The following SLC4A4 variants were observed in gnomAD, a reference collection of about 807,000 sequenced individuals.
SLC4A4 encodes solute carrier family 4 member 4.
In SLC4A4, 27 loss-of-function variants were observed where a neutral mutation model predicts 111.5. That is an observed-to-expected ratio of 0.24 (90% CI 0.18 to 0.33). SLC4A4 has a LOEUF of 0.33. Ranked by LOEUF, SLC4A4 falls within the 10% of genes least tolerant of loss-of-function variation. The pLI is 1.00. For synonymous variants in SLC4A4, 443 were observed against 463.4 expected (o/e 0.96, Z 0.57); for missense variants, 909 against 1,315.5 (o/e 0.69, Z 4.78).
chr4:71,178,441 A>T (rs1272067224), intron 2 of SLC4A4, among the ~76,000 whole-genome samples: 1 of 152,174 alleles, frequency 6.6e-6, no homozygotes, highest in East Asian at 1.9e-4. Context: ...AAGATCAACA[A>T]AATTGATAGA....
At chr4:71,206,900 C>T (rs568119958) in intron 1 of SLC4A4, among the ~76,000 whole-genome samples, 3 of 152,014 alleles carry the variant, frequency 2.0e-5, no homozygotes, top group South Asian at 4.2e-4. Context: ...CTACTGCAAG[C>T]GAATCATGCA....
At chr4:71,295,465 C>T (rs1225919931) in intron 3 of SLC4A4, among the ~76,000 whole-genome samples, 3 of 152,164 alleles carry the variant, frequency 2.0e-5, no homozygotes, top group African/African-American at 7.2e-5. Flanking sequence ...AAAGAGGAAG[C>T]AATCATAGAA....
Position 71,552,098 on chromosome 4 carries a change from T to C in SLC4A4, c.2695-3042T>C, listed in dbSNP as rs140632560. ...CAGGCTTCTTGACTTGCCAGTCAGGTCTTCATGATAATTATGACATTAATA... is the reference window on the plus strand; with the variant it reads ...CAGGCTTCTTGACTTGCCAGTCAGGCCTTCATGATAATTATGACATTAATA... On this transcript the variant is annotated intron_variant, in intron 20 of 25. Transcript: ENST00000264485. Among the ~76,000 whole-genome samples, 749 of 151,948 alleles carry C rather than the reference T, an allele frequency of 4.9e-3. 5 individuals carry two copies. Among genetic ancestry groups the C allele is most frequent in the African/African-American group, 0.017 (720 of 41,498 alleles).
intron 22 of SLC4A4, among the ~76,000 whole-genome samples, chr4:71,558,101 G>A (rs570545376): frequency 1.6e-4 from 25 of 151,978 alleles, no homozygotes; most frequent in Admixed American, 9.8e-4. Flanking sequence ...ACTGGCCCTC[G>A]TTCATGCTCA....
At chr4:71,376,439 G>A (rs1035474952) in intron 6 of SLC4A4, among the ~76,000 whole-genome samples, 8 of 150,984 alleles carry the variant, frequency 5.3e-5, no homozygotes, top group Admixed American at 2.6e-4. Context: ...TCCTGACCTC[G>A]TGATCCACCC....
chr4:71,328,561 CT>C (rs1203963672), intron 3 of SLC4A4, among the ~76,000 whole-genome samples: 2 of 152,036 alleles, frequency 1.3e-5, no homozygotes, highest in African/African-American at 4.8e-5. Context: ...TTGCATTTCT[CT>C]GATGATCAGT....
intron 3 of SLC4A4, among the ~76,000 whole-genome samples, chr4:71,305,607 C>T (rs1195222384): frequency 1.3e-5 from 2 of 152,190 alleles, no homozygotes; most frequent in African/African-American, 4.8e-5. Flanking sequence ...TATGCAAAAC[C>T]TTTCCCCATC....
chr4:71,183,988 T>C (rs1745378523), upstream of SLC4A4, among the ~76,000 whole-genome samples: 1 of 152,210 alleles, frequency 6.6e-6, no homozygotes, highest in Admixed American at 6.5e-5. Context: ...TTTTCACCTT[T>C]TTTCCCAATA....
chr4:71,519,489 G>A (rs1170356148), intron 16 of SLC4A4, among the ~76,000 whole-genome samples: 1 of 152,194 alleles, frequency 6.6e-6, no homozygotes, highest in Non-Finnish European at 1.5e-5. Flanking sequence ...AATACACAGA[G>A]AGGAGAAAGT....
chr4:71,159,282 A>G (rs762968313), intron 2 of SLC4A4, among the ~76,000 whole-genome samples: 38 of 152,184 alleles, frequency 2.5e-4, no homozygotes, highest in Admixed American at 1.7e-3. Flanking sequence ...TAATCTTACA[A>G]CTTCAAACAA....
intron 1 of SLC4A4, among the ~76,000 whole-genome samples, chr4:71,226,991 TG>T (rs955500742): frequency 2.0e-5 from 3 of 152,098 alleles, no homozygotes; most frequent in African/African-American, 7.2e-5. Flanking sequence ...CATAATGTGG[TG>T]GGGACAAGAG....
At chr4:71,501,204 T>C (rs981666971) in intron 16 of SLC4A4, among the ~76,000 whole-genome samples, 1 of 152,320 alleles carries the variant, frequency 6.6e-6, no homozygotes, top group Admixed American at 6.5e-5. Flanking sequence ...AATGTTTTAT[T>C]CTTTTGTAGC....
chr4:71,357,506 G>A (rs948892496), intron 6 of SLC4A4, among the ~76,000 whole-genome samples: 16 of 152,250 alleles, frequency 1.1e-4, no homozygotes, highest in South Asian at 2.1e-4. Context: ...CAGCAGATTC[G>A]TAGATTATTG....
At chr4:71,201,014 G>A (rs1400350261) in intron 1 of SLC4A4, among the ~76,000 whole-genome samples, 2 of 152,202 alleles carry the variant, frequency 1.3e-5, no homozygotes, top group African/African-American at 4.8e-5. Context: ...GGGTTTCCCT[G>A]TGCGAGTTAA....
At chr4:71,235,985 G>A in intron 1 of SLC4A4, 2 of 958,254 alleles carry the variant, frequency 2.1e-6, no homozygotes, top group Non-Finnish European at 2.5e-6. Flanking sequence ...GCCAGCATGT[G>A]ACTCAAAGCT....
intron 3 of SLC4A4, among the ~76,000 whole-genome samples, chr4:71,255,783 T>G (rs912831136): frequency 3.3e-5 from 5 of 152,190 alleles, no homozygotes; most frequent in Non-Finnish European, 2.9e-5. Context: ...CAGGTGAAGA[T>G]GAGAGTGTAT....
intron 22 of SLC4A4, among the ~76,000 whole-genome samples, chr4:71,559,480 T>C (rs1736761646): frequency 6.6e-6 from 1 of 151,780 alleles, no homozygotes; most frequent in African/African-American, 2.4e-5. Flanking sequence ...AAAATAATAA[T>C]ACCTATTTTG....
In SLC4A4 at chr4:71,209,987, G is replaced by A. The variant is rs189612647; in HGVS notation, c.-2+22586G>A. On this transcript the variant is annotated intron_variant, in intron 1 of 25. Coordinates refer to ENST00000264485, the MANE Select transcript of SLC4A4 (RefSeq NM_001098484.3). Reference sequence around the variant, plus strand: ...GAATTGAACATTTATACACTTTTCCGGAGAACGCTGTGACCATGTTTATCT... The same window carrying A: ...GAATTGAACATTTATACACTTTTCCAGAGAACGCTGTGACCATGTTTATCT... Among the ~76,000 whole-genome samples, 62 of 152,238 alleles carry A rather than the reference G, an allele frequency of 4.1e-4. 1 individual carries two copies. Among genetic ancestry groups the A allele is most frequent in the African/African-American group, 1.5e-3 (61 of 41,526 alleles).
chr4:71,191,974 C>A (rs562665270), intron 1 of SLC4A4, among the ~76,000 whole-genome samples: 1 of 151,926 alleles, frequency 6.6e-6, no homozygotes, highest in East Asian at 1.9e-4. Context: ...TTAAAAAAAT[C>A]AATATGAATA....
Sources: gnomAD v4.1 joint callset for allele counts (sites outside exome capture counted in the v4.1 genomes callset) on GRCh38, gnomAD v4.1.1 for gene constraint, MANE v1.5 for transcripts, NCBI Gene and HGNC (gene_info 2026-07-23, HGNC 2026-07-21) for gene names.